Variants in ACSS3 observed in about 807,000 individuals in gnomAD.
The protein encoded by ACSS3 is acyl-CoA synthetase short chain family member 3.
ACSS3 carries 64 observed loss-of-function variants against 84.2 expected under a neutral mutation model. The ratio of observed to expected loss-of-function variants is 0.76; its 90% CI spans 0.62 to 0.94. The LOEUF is 0.94. Among genes scored for constraint, ACSS3 ranks in the 40% least tolerant of loss-of-function variants. The pLI is 0.00. For missense variants in ACSS3, 815 were observed against 867.6 expected (o/e 0.94, Z 0.76); for synonymous variants, 317 against 310.1 (o/e 1.02, Z -0.23).
intron 2 of ACSS3, among the ~76,000 whole-genome samples, chr12:81,111,118 G>T (rs754443810): frequency 6.6e-6 from 1 of 152,072 alleles, no homozygotes; most frequent in Non-Finnish European, 1.5e-5. Context: ...AACCTCAGCT[G>T]ATTTAAACAT....
At chr12:81,148,083 G>A (rs1381615054) in intron 5 of ACSS3, among the ~76,000 whole-genome samples, 1 of 151,482 alleles carries the variant, frequency 6.6e-6, no homozygotes, top group African/African-American at 2.4e-5. Flanking sequence ...GTAGGAAATA[G>A]GAAGTTTTGT....
At chr12:81,233,510 T>C (rs2033532099) in intron 13 of ACSS3, 39 bp downstream of exon 13, 19 of 1,607,146 alleles carry the variant, frequency 1.2e-5, no homozygotes, top group Non-Finnish European at 1.5e-5. Context: ...AAGTAGTGCT[T>C]AGGCACAGAG....
chr12:81,128,401 A>T (rs951085303), intron 2 of ACSS3, among the ~76,000 whole-genome samples: 1 of 152,180 alleles, frequency 6.6e-6, no homozygotes, highest in East Asian at 1.9e-4. Context: ...ATCTAAATAA[A>T]TACATTTTTT....
chr12:81,199,795 G>A (rs2032017693), intron 9 of ACSS3: 1 of 708,110 alleles, frequency 1.4e-6, no homozygotes, highest in African/African-American at 1.9e-5. Flanking sequence ...TTTGAGCTCT[G>A]GCAGCTGCAT....
intron 2 of ACSS3, among the ~76,000 whole-genome samples, chr12:81,130,294 C>T (rs1414379321): frequency 6.6e-6 from 1 of 152,120 alleles, no homozygotes; most frequent in Non-Finnish European, 1.5e-5. Context: ...CCTGTTGTTT[C>T]CTGACTTTTT....
At chr12:81,096,390 CAG>C (rs1882047096) in intron 1 of ACSS3, among the ~76,000 whole-genome samples, 2 of 152,272 alleles carry the variant, frequency 1.3e-5, no homozygotes, top group South Asian at 4.1e-4. Flanking sequence ...CTACAGAAAG[CAG>C]AGAGTCTGGG....
At position 81,253,602 on chromosome 12, in the gene ACSS3, C is replaced by T; in HGVS notation, c.1927C>T (p.Pro643Ser). 6.2e-7 allele frequency: 1 copy of T among 1,613,974 alleles called. No homozygotes were observed. Among genetic ancestry groups the T allele is most frequent in the Non-Finnish European group, 8.5e-7 (1 of 1,179,916 alleles). Residue 643 changes from proline to serine, a missense_variant, in exon 15 of 16, where the codon CCC becomes TCC. By Grantham distance (74) the Pro-to-Ser change is moderately conservative. Transcript: ENST00000548058. ...FRNAVFVKQLPKTRSGKIPRS... is the reference protein window; with the variant it reads ...FRNAVFVKQLSKTRSGKIPRS... ...AAATGCAGTGTTTGTCAAACAGCTA[C>T]CCAAAACCAGATCTGGCAAGATCCC...
chr12:81,141,737 G>T (rs990250031), intron 4 of ACSS3, among the ~76,000 whole-genome samples: 1 of 152,080 alleles, frequency 6.6e-6, no homozygotes, highest in Non-Finnish European at 1.5e-5. Context: ...ATAGATCTCT[G>T]TGTTGTCAAA....
chr12:81,174,970 T>G, intron 8 of ACSS3, 31 bp downstream of exon 8: 1 of 1,601,832 alleles, frequency 6.2e-7, no homozygotes, highest in East Asian at 2.2e-5. Context: ...GCAAATGACA[T>G]TAGAAAGTGC....
chr12:81,214,200 C>G (rs185977972), intron 9 of ACSS3, among the ~76,000 whole-genome samples: 1 of 151,650 alleles, frequency 6.6e-6, no homozygotes, highest in East Asian at 2.0e-4. Flanking sequence ...TAATTTTTGT[C>G]TTTGTAGTAG....
chr12:81,249,564 T>A (rs542395674), intron 13 of ACSS3, among the ~76,000 whole-genome samples: 1 of 152,084 alleles, frequency 6.6e-6, no homozygotes, highest in South Asian at 2.1e-4. Flanking sequence ...TTCTTCAACA[T>A]TGAATATATT....
At chr12:81,145,807 G>A (rs929019729) in intron 5 of ACSS3, among the ~76,000 whole-genome samples, 4 of 152,204 alleles carry the variant, frequency 2.6e-5, no homozygotes, top group Non-Finnish European at 4.4e-5. Flanking sequence ...TTGGTGATGA[G>A]AGTCTGAGCC....
At chr12:81,230,771 G>A (rs1387298188) in intron 11 of ACSS3, among the ~76,000 whole-genome samples, 5 of 151,798 alleles carry the variant, frequency 3.3e-5, no homozygotes, top group Non-Finnish European at 7.4e-5. Flanking sequence ...CAGATATTAT[G>A]TTTTTCACTG....
chr12:81,079,338 C>A (rs1469869957), intron 1 of ACSS3, among the ~76,000 whole-genome samples: 1 of 152,072 alleles, frequency 6.6e-6, no homozygotes, highest in African/African-American at 2.4e-5. Flanking sequence ...TGTCTGCCCT[C>A]TGGGGGTGTG....
At chr12:81,137,033 A>G (rs747931181) in intron 3 of ACSS3, among the ~76,000 whole-genome samples, 1 of 152,152 alleles carries the variant, frequency 6.6e-6, no homozygotes, top group Non-Finnish European at 1.5e-5. Context: ...CCTGAGTACT[A>G]GGTATAGAGT....
chr12:81,145,528 G>A (rs552561229), intron 5 of ACSS3, among the ~76,000 whole-genome samples: 67 of 152,258 alleles, frequency 4.4e-4, no homozygotes, highest in African/African-American at 1.6e-3. Context: ...TGGGAAGATA[G>A]GTGACTACAC....
chr12:81,211,449 A>ACACTTACATAACAAAAGGGATTATCTTT (rs1321185613), intron 9 of ACSS3, among the ~76,000 whole-genome samples: 1 of 152,190 alleles, frequency 6.6e-6, no homozygotes, highest in Non-Finnish European at 1.5e-5. Flanking sequence ...ATGCATGCTC[A>ACACTTACATAACAAAAGGGATTATCTTT]CACTTACATA....
intron 2 of ACSS3, among the ~76,000 whole-genome samples, chr12:81,110,469 C>T (rs1157194369): frequency 6.6e-6 from 1 of 152,026 alleles, no homozygotes; most frequent in African/African-American, 2.4e-5. Context: ...GAAATAAGGC[C>T]TCAGAAGTAA....
chr12:81,175,356 C>T (rs2030395805), intron 8 of ACSS3, among the ~76,000 whole-genome samples: 1 of 151,810 alleles, frequency 6.6e-6, no homozygotes, highest in Non-Finnish European at 1.5e-5. Flanking sequence ...AAATTATAGT[C>T]CAAATTAAAT....
Sources: allele counts gnomAD v4.1 joint callset (sites outside exome capture counted in the v4.1 genomes callset), GRCh38; gene constraint gnomAD v4.1.1; transcripts MANE v1.5; gene names NCBI Gene and HGNC (gene_info 2026-07-23, HGNC 2026-07-21).